ASAP1: variants seen among roughly 807,000 people sequenced by gnomAD.
ASAP1 encodes the protein arf-GAP with SH3 domain, ANK repeat and PH domain-containing protein 1.
ASAP1 carries 43 observed loss-of-function variants against 145.2 expected under a neutral mutation model. That is an observed-to-expected ratio of 0.30 (90% CI 0.23 to 0.38). The LOEUF is 0.38. Ranked by LOEUF, ASAP1 falls within the 10% of genes least tolerant of loss-of-function variation. The pLI is 1.00. For missense variants in ASAP1, 1,018 were observed against 1,355.3 expected, an observed-to-expected ratio of 0.75 and a Z score of 3.91; for synonymous variants, 546 against 515.5, an observed-to-expected ratio of 1.06 and a Z score of -0.80.
chr8:130,184,544 T>A (rs915560686), intron 7 of ASAP1, among the ~76,000 whole-genome samples: 2 of 152,204 alleles, frequency 1.3e-5, no homozygotes, highest in African/African-American at 4.8e-5. Flanking sequence ...AATCACTGAG[T>A]TTAGATTGTG....
intron 7 of ASAP1, 75 bp downstream of exon 7, chr8:130,187,161 G>GTTTTTTTTTTTTTT: frequency 9.2e-7 from 1 of 1,089,500 alleles, no homozygotes; most frequent in Non-Finnish European, 1.3e-6. Flanking sequence ...TTCCAGTTAA[G>GTTTTTTTTTTTTTT]TTTTTTTTTT....
chr8:130,340,184 A>G (rs916923565), intron 3 of ASAP1, among the ~76,000 whole-genome samples: 2 of 152,242 alleles, frequency 1.3e-5, no homozygotes, highest in Non-Finnish European at 2.9e-5. Context: ...ATAACCCCAA[A>G]TAAGTCACTG....
chr8:130,107,591 G>A (rs1010261405), intron 24 of ASAP1, among the ~76,000 whole-genome samples: 12 of 150,298 alleles, frequency 8.0e-5, no homozygotes, highest in Admixed American at 4.7e-4. Flanking sequence ...TCTGTCGCCC[G>A]GGCTGAAGTG....
At chr8:130,123,285 AC>A (rs2097569509) in intron 18 of ASAP1, among the ~76,000 whole-genome samples, 2 of 152,216 alleles carry the variant, frequency 1.3e-5, no homozygotes, top group African/African-American at 4.8e-5. Flanking sequence ...TTGTACTCCC[AC>A]TGGCAATATT....
intron 3 of ASAP1, among the ~76,000 whole-genome samples, chr8:130,270,327 A>G (rs1820513068): frequency 6.6e-6 from 1 of 152,218 alleles, no homozygotes; most frequent in Non-Finnish European, 1.5e-5. Flanking sequence ...TTACCCATTA[A>G]CATACATTGT....
chr8:130,179,414 AGGTG>A, intron 8 of ASAP1, 65 bp from the exon 9 acceptor site: 3 of 997,270 alleles, frequency 3.0e-6, no homozygotes, highest in Non-Finnish European at 4.7e-6. Flanking sequence ...CCATGGGTTC[AGGTG>A]GCTGAACATC....
At chr8:130,164,229 A>G (rs1230163959) in intron 11 of ASAP1, among the ~76,000 whole-genome samples, 1 of 152,230 alleles carries the variant, frequency 6.6e-6, no homozygotes, top group East Asian at 1.9e-4. Flanking sequence ...AGTGAATTCA[A>G]ACAAAACAGG....
chr8:130,309,554 A>G (rs1823202955), intron 3 of ASAP1, among the ~76,000 whole-genome samples: 5 of 152,232 alleles, frequency 3.3e-5, no homozygotes, highest in Admixed American at 3.3e-4. Flanking sequence ...GGCAAGACAG[A>G]GGCGTGACCA....
chr8:130,099,012 CT>C (rs61047760), intron 24 of ASAP1, among the ~76,000 whole-genome samples: 231 of 116,084 alleles, frequency 2.0e-3, no homozygotes, highest in East Asian at 4.9e-3. Flanking sequence ...CTAATATAAG[CT>C]TTTTTTTTTT....
At chr8:130,241,097 G>A (rs767784251) in intron 3 of ASAP1, among the ~76,000 whole-genome samples, 42 of 152,110 alleles carry the variant, frequency 2.8e-4, no homozygotes, top group East Asian at 9.6e-4. Context: ...TCAGAGACGC[G>A]TATGAATCTG....
At chr8:130,152,902 T>A (rs1386362412) in intron 12 of ASAP1, 97 bp from the exon 13 acceptor site, 9 of 955,928 alleles carry the variant, frequency 9.4e-6, no homozygotes, top group African/African-American at 1.7e-5. Context: ...ACAAAATAAC[T>A]TCCCCAAACC....
At chr8:130,316,847 T>G (rs76831266) in intron 3 of ASAP1, among the ~76,000 whole-genome samples, 11,654 of 152,316 alleles carry the variant, frequency 0.077, 618 homozygotes, top group East Asian at 0.15. Flanking sequence ...CCCTGTAATA[T>G]GCAGCTCAAT....
At chr8:130,308,236 T>G (rs1565193356) in intron 3 of ASAP1, among the ~76,000 whole-genome samples, 2 of 152,188 alleles carry the variant, frequency 1.3e-5, no homozygotes. Flanking sequence ...TATACTTGAG[T>G]GTTTTCTCCC....
At chr8:130,158,831 G>A (rs946152785) in intron 12 of ASAP1, among the ~76,000 whole-genome samples, 21 of 151,596 alleles carry the variant, frequency 1.4e-4, no homozygotes, top group Admixed American at 1.2e-3. Flanking sequence ...TCCAGGGTTC[G>A]CACCATTCTC....
At chr8:130,324,830 G>C (rs1286629058) in intron 3 of ASAP1, among the ~76,000 whole-genome samples, 1 of 152,144 alleles carries the variant, frequency 6.6e-6, no homozygotes, top group Non-Finnish European at 1.5e-5. Context: ...CACCTCTTTT[G>C]AAAAGCAAAA....
intron 2 of ASAP1, among the ~76,000 whole-genome samples, chr8:130,382,201 G>A (rs1429748240): frequency 1.3e-5 from 2 of 150,320 alleles, no homozygotes; most frequent in African/African-American, 4.9e-5. Context: ...CAGGAGAATG[G>A]TGTGAACCCA....
intron 1 of ASAP1, among the ~76,000 whole-genome samples, chr8:130,428,302 G>A (rs1829999464): frequency 6.6e-6 from 1 of 150,532 alleles, no homozygotes; most frequent in Non-Finnish European, 1.5e-5. Context: ...TATAAAATTG[G>A]AAGGAATATT....
intron 16 of ASAP1, 77 bp downstream of exon 16, chr8:130,127,850 C>T: frequency 6.5e-7 from 1 of 1,530,864 alleles, no homozygotes; most frequent in Non-Finnish European, 8.8e-7. Context: ...TAAGGTTTTT[C>T]AATAACTAGA....
At chr8:130,274,700 C>T (rs1008714357) in intron 3 of ASAP1, among the ~76,000 whole-genome samples, 16 of 152,178 alleles carry the variant, frequency 1.1e-4, no homozygotes, top group African/African-American at 3.4e-4. Context: ...CTTGGAAGCA[C>T]GGACTTCTTT....
Sources: allele counts gnomAD v4.1 joint callset (sites outside exome capture counted in the v4.1 genomes callset), GRCh38; gene constraint gnomAD v4.1.1; transcripts MANE v1.5; gene names NCBI Gene and HGNC (gene_info 2026-07-23, HGNC 2026-07-21).